PLCZ1: variants seen among roughly 807,000 people sequenced by gnomAD.
PLCZ1 encodes 1-phosphatidylinositol 4,5-bisphosphate phosphodiesterase zeta-1.
PLCZ1 carries 64 observed loss-of-function variants against 76.8 expected under a neutral mutation model. The observed-to-expected ratio is 0.83, with a 90% confidence interval of 0.68 to 1.03. The LOEUF is 1.03. PLCZ1 is among the 50% of genes least tolerant of loss of function. The pLI is 0.00. For missense variants in PLCZ1, 751 were observed against 713.7 expected (o/e 1.05, Z -0.60); for synonymous variants, 248 against 230.8 (o/e 1.07, Z -0.68).
At chr12:18,651,397 T>C in the PLCZ1 span, among the ~76,000 whole-genome samples, 1 of 152,178 alleles carries the variant, frequency 6.6e-6, no homozygotes, top group Non-Finnish European at 1.5e-5. Flanking sequence ...ACTTTTATCT[T>C]ATGCACTTAT....
chr12:18,692,862 G>A, intron 12 of PLCZ1: 1 of 1,601,438 alleles, frequency 6.2e-7, no homozygotes, highest in Non-Finnish European at 8.5e-7. Context: ...TGAACCTCCT[G>A]TACCAACTAC....
chr12:18,736,669 C>T lies in PLCZ1; in HGVS notation c.12-325G>A, dbSNP rs1592309868. 2.3e-6 allele frequency: 3 copies of T among 1,291,454 alleles called. No individual in the cohort carries two copies. In the African/African-American group the frequency reaches 4.5e-5, roughly 20 times the overall value. The allele number at this position is 1,291,454 out of a possible 1,614,324, so 80.0% of individuals were successfully genotyped here. On this transcript the variant is annotated intron_variant, in intron 2 of 14. Transcript: ENST00000266505. ...CTGAAGGCATGAAGTTGGAAGGCAG[C>T]TAGACTTCAAGATCGCCTCTCACCT... is the stretch of plus-strand genomic sequence containing the variant.
chr12:18,684,229 C>A lies in PLCZ1; in HGVS notation c.1642G>T (p.Glu548Ter), dbSNP rs1320728575. 3 of 1,611,070 alleles carry A rather than the reference C, an allele frequency of 1.9e-6. No homozygotes were observed. Among genetic ancestry groups the A allele is most frequent in the Non-Finnish European group, 2.5e-6 (3 of 1,177,914 alleles). Residue 548 changes from glutamate to a stop codon, truncating the protein, a stop_gained, in exon 14 of 15, where the codon GAA becomes TAA. Transcript: ENST00000266505. LOFTEE classifies it high-confidence loss of function. ...ETFTFIIHVP[E>*]LALIRFVVEG... ...ACAACAAAACGTATCAATGCCAATT[C>A]TGGGACATGAATAATAAATGTGAAT...
At chr12:18,645,935 A>G in the PLCZ1 span, among the ~76,000 whole-genome samples, 1 of 152,164 alleles carries the variant, frequency 6.6e-6, no homozygotes, top group Non-Finnish European at 1.5e-5. Context: ...TCTCTGTAAA[A>G]TAAGAGAGGA....
At chr12:18,694,773 A>T in intron 12 of PLCZ1, 137 bp downstream of exon 12, 1 of 667,762 alleles carries the variant, frequency 1.5e-6, no homozygotes, top group Middle Eastern at 4.2e-4. Context: ...CTGGAATACT[A>T]CCCACATATA....
chr12:18,698,370 T>G (rs1452186894), intron 10 of PLCZ1, among the ~76,000 whole-genome samples: 2 of 151,906 alleles, frequency 1.3e-5, no homozygotes, highest in African/African-American at 4.8e-5. Flanking sequence ...AGTCCAGACC[T>G]ACTGAATTGA....
chr12:18,694,621 A>C (rs149106564), intron 12 of PLCZ1, among the ~76,000 whole-genome samples: 6 of 152,274 alleles, frequency 3.9e-5, no homozygotes, highest in Admixed American at 1.3e-4. Context: ...TGTATCTCAC[A>C]ATATTAAATG....
At chr12:18,736,177 G>T in intron 3 of PLCZ1, 44 bp downstream of exon 3, 1 of 1,598,742 alleles carries the variant, frequency 6.3e-7, no homozygotes. Context: ...ATTGGATTAA[G>T]TTCCACCTAG....
intron 13 of PLCZ1, 103 bp from the exon 14 acceptor site, chr12:18,684,382 A>G: frequency 9.0e-7 from 1 of 1,108,554 alleles, no homozygotes; most frequent in South Asian, 1.5e-5. Flanking sequence ...CCCTTTAACA[A>G]TAATATCTTG....
At chr12:18,725,399 A>G (rs1958695523) in intron 3 of PLCZ1, among the ~76,000 whole-genome samples, 1 of 152,176 alleles carries the variant, frequency 6.6e-6, no homozygotes, top group Admixed American at 6.5e-5. Flanking sequence ...CTGAAGCACA[A>G]AAATCTTAGG....
At chr12:18,735,959 T>A in intron 3 of PLCZ1, 1 of 334,964 alleles carries the variant, frequency 3.0e-6, no homozygotes, top group South Asian at 3.4e-5. Flanking sequence ...CAGTCTGATA[T>A]AATTAGACAT....
chr12:18,736,583 A>G (rs145095921), intron 2 of PLCZ1: 3 of 1,240,578 alleles, frequency 2.4e-6, no homozygotes, highest in Non-Finnish European at 3.1e-6. Flanking sequence ...ATTAAAGTTA[A>G]AATTTGAGAA....
the PLCZ1 span, among the ~76,000 whole-genome samples, chr12:18,658,342 C>T: frequency 6.6e-6 from 1 of 152,130 alleles, no homozygotes; most frequent in Non-Finnish European, 1.5e-5. Context: ...AGAGGCTCAA[C>T]AAACTCTAAG....
intron 6 of PLCZ1, among the ~76,000 whole-genome samples, chr12:18,711,007 C>T (rs1957243232): frequency 6.6e-6 from 1 of 151,982 alleles, no homozygotes; most frequent in South Asian, 2.1e-4. Context: ...CTAGAAATAC[C>T]ATTTGACCCA....
intron 3 of PLCZ1, among the ~76,000 whole-genome samples, chr12:18,730,657 C>G (rs1179530883): frequency 6.6e-6 from 1 of 152,044 alleles, no homozygotes; most frequent in Non-Finnish European, 1.5e-5. Context: ...AATTAGTGAG[C>G]CATTTCCGTA....
chr12:18,677,039 TGA>T, the PLCZ1 span, among the ~76,000 whole-genome samples: 1 of 152,088 alleles, frequency 6.6e-6, no homozygotes, highest in Non-Finnish European at 1.5e-5. Flanking sequence ...TAAAGATGAA[TGA>T]GAGTGATTCT....
the PLCZ1 span, among the ~76,000 whole-genome samples, chr12:18,658,335 G>A: frequency 6.6e-6 from 1 of 152,074 alleles, no homozygotes; most frequent in Non-Finnish European, 1.5e-5. Context: ...ACATCCAAGA[G>A]GCTCAACAAA....
At chr12:18,683,765 T>C (rs117823712) in intron 14 of PLCZ1, 12,531 of 565,158 alleles carry the variant, frequency 0.022, 189 homozygotes, top group Non-Finnish European at 0.03. Flanking sequence ...AGGCTCCCAA[T>C]CTCTTCTCCT....
At chr12:18,669,629 A>G in the PLCZ1 span, among the ~76,000 whole-genome samples, 1 of 151,822 alleles carries the variant, frequency 6.6e-6, no homozygotes, top group African/African-American at 2.4e-5. Context: ...GAATCCTCAC[A>G]TGGCAGAGAG....
Sources: allele counts gnomAD v4.1 joint callset (sites outside exome capture counted in the v4.1 genomes callset), GRCh38; gene constraint gnomAD v4.1.1; transcripts MANE v1.5; gene names NCBI Gene and HGNC (gene_info 2026-07-23, HGNC 2026-07-21).